The following PUF60 variants were observed in gnomAD, a reference collection of about 807,000 sequenced individuals.
PUF60 encodes the protein poly(U) binding splicing factor 60.
PUF60 carries 10 observed loss-of-function variants against 61.8 expected under a neutral mutation model. The observed-to-expected ratio is 0.16, with a 90% confidence interval of 0.10 to 0.27. The LOEUF is 0.27. Among genes scored for constraint, PUF60 ranks in the 10% least tolerant of loss-of-function variants. The pLI is 1.00. For missense variants in PUF60, 371 were observed against 754.0 expected (o/e 0.49, Z 5.95); for synonymous variants, 353 against 300.9 (o/e 1.17, Z -1.79).
At position 143,816,395 on chromosome 8, in the gene PUF60, C is replaced by T. The variant is rs985139327; in HGVS notation, c.*125G>A. The stretch of plus-strand genomic sequence containing the variant: ...ACGGACGTTCAGGGCCAGCAGCATC[C>T]GCACCTTTATCCGCACTGTAGGCTG... On this transcript the variant is annotated 3_prime_UTR_variant, in exon 12 of 12. Transcript: ENST00000526683. 2 of 1,115,422 alleles carry T rather than the reference C, an allele frequency of 1.8e-6. No homozygotes were observed. The highest frequency in any genetic ancestry group is 2.6e-5 in the East Asian group (1 of 39,042). The allele number at this position is 1,115,422 out of a possible 1,614,324, so 69.1% of individuals were successfully genotyped here. A position where few individuals can be genotyped will look rare whatever the true frequency, so the allele number is the denominator to read the frequency against.
chr8:143,825,469 G>C (rs368040618), intron 1 of PUF60, among the ~76,000 whole-genome samples: 6 of 152,106 alleles, frequency 3.9e-5, no homozygotes, highest in East Asian at 3.9e-4. Flanking sequence ...ACCCCGGAGA[G>C]AGTGAAAGGA....
rs778226366 is a variant in PUF60 at position 143,817,661 on chromosome 8, G to A, written c.939C>T (p.Ala313=). Residue 313 remains alanine (A), a synonymous_variant, in exon 9 of 12, where the codon GCC becomes GCT. Transcript: ENST00000526683. This position sits in a 1 kb window ranked among gnomAD's most constrained non-coding sequence, Gnocchi z 7.4. The stretch of plus-strand genomic sequence containing the variant: ...CGGCAGGTGGGAGGCCTCCAGGCGT[G>A]GCTGGTGTGAGTAGGGGCATGGGCG... ...VTPPMPLLTP[A]TPGGLPPAAA... is the part of the protein sequence containing the mutation. The A allele has an allele frequency of 6.8e-6, 11 of 1,612,650 alleles. No individual in the cohort carries two copies. Among genetic ancestry groups the A allele is most frequent in the Non-Finnish European group, 9.3e-6 (11 of 1,179,848 alleles).
At chr8:143,829,208 G>C (rs1818019587) in intron 1 of PUF60, 72 bp downstream of exon 1, 11 of 1,232,744 alleles carry the variant, frequency 8.9e-6, no homozygotes, top group Non-Finnish European at 1.1e-5. Flanking sequence ...GAGGCCCTCC[G>C]CGCCCAGGCT....
chr8:143,820,368 G>A (rs1217702052), intron 5 of PUF60: 7 of 497,348 alleles, frequency 1.4e-5, no homozygotes, highest in Middle Eastern at 5.4e-4. Flanking sequence ...TGCAGGTGGC[G>A]TGGGCGCAGA....
rs776099113 is a variant in PUF60 at position 143,817,770 on chromosome 8, G to A, written c.830C>T (p.Ala277Val). 5.6e-6 allele frequency: 9 copies of A among 1,610,930 alleles called. No homozygotes were observed. Among genetic ancestry groups the A allele is most frequent in the African/African-American group, 5.3e-5 (4 of 74,880 alleles). The change falls in exon 9 of 12, where the codon GCC becomes GTC. Residue 277 changes from alanine to valine, a missense_variant. Coordinates refer to ENST00000526683, the MANE Select transcript of PUF60 (RefSeq NM_078480.3). The surrounding 1 kb of genome is among the most constrained non-coding windows in gnomAD (Gnocchi z 7.4). ...AGACACAGCATCTTGGGACGACTGG[G>A]CCTTCTCGTACTCTGTGGGCAGGAG... is the stretch of plus-strand genomic sequence containing the variant. ...KGYGFIEYEKAQSSQDAVSSM... is the reference protein window; with the variant it reads ...KGYGFIEYEKVQSSQDAVSSM...
At position 143,817,211 on chromosome 8, in the gene PUF60, G is replaced by A; in HGVS notation, c.1145-66C>T. 2 of 1,527,446 alleles carry A rather than the reference G, an allele frequency of 1.3e-6. No homozygotes were observed. The highest frequency in any genetic ancestry group is 1.8e-6 in the Non-Finnish European group (2 of 1,135,092). The allele number at this position is 1,527,446 out of a possible 1,614,324, so 94.6% of individuals were successfully genotyped here. A position where few individuals can be genotyped will look rare whatever the true frequency, so the allele number is the denominator to read the frequency against. On this transcript the variant is annotated intron_variant, in intron 10 of 11. Transcript: ENST00000526683. The surrounding 1 kb of genome is among the most constrained non-coding windows in gnomAD (Gnocchi z 7.4). Reference sequence around the variant, plus strand: ...ACCCCCCTTCCCAGAAAGGCACAGAGCTGGCCTGCCCTGGGCTCAGAGGGT... The same window carrying A: ...ACCCCCCTTCCCAGAAAGGCACAGAACTGGCCTGCCCTGGGCTCAGAGGGT...
In PUF60 at chr8:143,829,314, T is replaced by C; in HGVS notation, c.-11A>G. On this transcript the variant is annotated 5_prime_UTR_variant, in exon 1 of 12. Transcript: ENST00000526683. Reference sequence around the variant, plus strand: ...GGTCGCCGTCGCCATCTTGCGTCCGTCGCGGCCTCCGCGCGCGCCTCCCAC... The same window carrying C: ...GGTCGCCGTCGCCATCTTGCGTCCGCCGCGGCCTCCGCGCGCGCCTCCCAC... 5 of 1,259,040 alleles carry C rather than the reference T, an allele frequency of 4.0e-6. No individual in the cohort carries two copies. Among genetic ancestry groups the C allele is most frequent in the Non-Finnish European group, 5.0e-6 (5 of 996,340 alleles). 78.0% of individuals were successfully genotyped at this position (1,259,040 alleles called of 1,614,324 possible). A position where few individuals can be genotyped will look rare whatever the true frequency, so the allele number is the denominator to read the frequency against.
At position 143,817,117 on chromosome 8, in the gene PUF60, C is replaced by T. The variant is rs763092979; in HGVS notation, c.1173G>A (p.Pro391=). Residue 391 remains proline, a synonymous_variant, in exon 11 of 12, where the codon CCG becomes CCA. Transcript: ENST00000526683. This position sits in a 1 kb window ranked among gnomAD's most constrained non-coding sequence, Gnocchi z 7.4. Reference sequence around the variant, plus strand: ...CCACTCCCACCGAGGGGATGGTGACCGGGATAGGAGGACGGGCTGGGGTCA... The same window carrying T: ...CCACTCCCACCGAGGGGATGGTGACTGGGATAGGAGGACGGGCTGGGGTCA... The part of the protein sequence containing the change: ...TGVTPARPPI[P]VTIPSVGVVN... 1.2e-5 allele frequency: 19 copies of T among 1,608,994 alleles called. No homozygotes were observed. In the East Asian group the frequency reaches 1.6e-4, roughly 13 times the overall value.
intron 1 of PUF60, among the ~76,000 whole-genome samples, chr8:143,826,620 T>G (rs1024516517): frequency 1.1e-4 from 16 of 151,896 alleles, no homozygotes; most frequent in African/African-American, 3.9e-4. Flanking sequence ...GAGGCTGAGG[T>G]GCTACCATGA....
chr8:143,816,537 T>C lies in PUF60; in HGVS notation c.1663A>G (p.Ser555Gly). ...EVYDQERFDN[S>G]DLSA ...GACCACTGTCACGCAGAGAGGTCACTGTTATCAAAACGCTCCTGGTCGTAC... is the reference window on the plus strand; with the variant it reads ...GACCACTGTCACGCAGAGAGGTCACCGTTATCAAAACGCTCCTGGTCGTAC... The change falls in exon 12 of 12, where the codon AGT becomes GGT. Residue 555 changes from serine (S) to glycine (G), a missense_variant. Ser to Gly is a moderately conservative substitution (Grantham distance 56). Around this residue, in one of 13 missense-constraint regions of PUF60, gnomAD observed 17 missense variants for 37.3 expected, o/e 0.46. Transcript: ENST00000526683. 6.2e-7 allele frequency: 1 copy of C among 1,611,206 alleles called. No individual in the cohort carries two copies. Among genetic ancestry groups the C allele is most frequent in the African/African-American group, 1.3e-5 (1 of 74,930 alleles).
chr8:143,821,770 C>T, intron 3 of PUF60, 48 bp downstream of exon 3: 2 of 1,579,118 alleles, frequency 1.3e-6, no homozygotes, highest in African/African-American at 2.7e-5. Flanking sequence ...GCCCCTGCCC[C>T]CAGTTGACTG....
rs974105806 is a variant in PUF60 at position 143,816,458 on chromosome 8, G to GT, written c.*61dup. ...CGCGCCTGGCCCCGGGGACACCACT[G>GT]TATCACTATAAAACCCAGAGGAAAC... On this transcript the variant is annotated 3_prime_UTR_variant, in exon 12 of 12. Coordinates refer to ENST00000526683, the MANE Select transcript of PUF60 (RefSeq NM_078480.3). The GT allele has an allele frequency of 4.1e-5, 63 of 1,545,168 alleles. No individual in the cohort carries two copies. In the African/African-American group the frequency reaches 7.9e-4, roughly 19 times the overall value.
Position 143,817,397 on chromosome 8 carries a change from G to A in PUF60, c.1078C>T (p.Leu360=), listed in dbSNP as rs1002163574. The stretch of plus-strand genomic sequence containing the variant: ...GGCAAAGTGCCCAGGGGCTGGGCCA[G>A]GGTCAGTGCTGGGGACACCAGTCCA... ...TPGLVSPALT[L]AQPLGTLPQA... is the part of the protein sequence containing the mutation. Residue 360 remains leucine, a synonymous_variant, in exon 10 of 12, where the codon CTG becomes TTG. Transcript: ENST00000526683. The surrounding 1 kb of genome is among the most constrained non-coding windows in gnomAD (Gnocchi z 7.4). The A allele has an allele frequency of 1.9e-6, 3 of 1,592,952 alleles. No individual in the cohort carries two copies. The highest frequency in any genetic ancestry group is 1.4e-5 in the African/African-American group (1 of 73,672).
intron 5 of PUF60, chr8:143,820,443 T>C: frequency 5.1e-6 from 3 of 590,318 alleles, no homozygotes; most frequent in Non-Finnish European, 9.0e-6. Flanking sequence ...GGCCGATTAG[T>C]TTTAAGGTGG....
intron 4 of PUF60, chr8:143,821,377 G>C (rs1182536915): frequency 3.3e-6 from 2 of 601,776 alleles, no homozygotes; most frequent in Non-Finnish European, 5.9e-6. Context: ...CCAAGAAAGG[G>C]GCTGCGGCGC....
intron 1 of PUF60, chr8:143,828,963 G>T (rs886567999): frequency 1.8e-5 from 18 of 989,264 alleles, no homozygotes; most frequent in Non-Finnish European, 2.2e-5. Context: ...AAGGGAGGAC[G>T]ACGACCCCCG....
intron 1 of PUF60, 110 bp downstream of exon 1, chr8:143,829,170 G>C: frequency 8.2e-7 from 1 of 1,223,510 alleles, no homozygotes; most frequent in Non-Finnish European, 1.0e-6. Flanking sequence ...AGTCCGCGCG[G>C]GACCTGGGAA....
intron 5 of PUF60, chr8:143,820,374 G>A (rs982556926): frequency 2.7e-5 from 14 of 517,874 alleles, no homozygotes; most frequent in African/African-American, 2.0e-4. Context: ...TGGCGTGGGC[G>A]CAGACGGGCC....
chr8:143,822,563 T>C (rs1222335276), intron 2 of PUF60: 1 of 456,480 alleles, frequency 2.2e-6, no homozygotes, highest in Non-Finnish European at 4.4e-6. Context: ...CACTCTTGCA[T>C]GGGCTTTGCC....
Sources: allele counts gnomAD v4.1 joint callset (sites outside exome capture counted in the v4.1 genomes callset), GRCh38; gene constraint gnomAD v4.1.1; regional missense constraint gnomAD v4.1.1; non-coding constraint Gnocchi (gnomAD v3.1); transcripts MANE v1.5; gene names NCBI Gene and HGNC (gene_info 2026-07-23, HGNC 2026-07-21).